Variants in RBM20 observed in about 807,000 individuals in gnomAD.
RBM20 encodes RNA-binding protein 20.
RBM20 carries 51 observed loss-of-function variants against 110.1 expected under a neutral mutation model. That is an observed-to-expected ratio of 0.46 (90% CI 0.37 to 0.59). The LOEUF (loss-of-function observed/expected upper bound fraction) is 0.59. Among genes scored for constraint, RBM20 ranks in the 20% least tolerant of loss-of-function variants. The probability of loss-of-function intolerance (pLI) is 0.00; values close to 1 mark genes in which losing one functional copy is unlikely to be tolerated. For synonymous variants in RBM20, 589 were observed against 618.2 expected, an observed-to-expected ratio of 0.95 and a Z score of 0.70; for missense variants, 1,512 against 1,574.9, an observed-to-expected ratio of 0.96 and a Z score of 0.68.
At chr10:110,747,083 T>G (rs1192643307) in intron 1 of RBM20, among the ~76,000 whole-genome samples, 1 of 152,160 alleles carries the variant, frequency 6.6e-6, no homozygotes, top group African/African-American at 2.4e-5. Context: ...TGTAATATAG[T>G]GATATAAGAT....
chr10:110,821,225 G>C (rs1174636862), intron 10 of RBM20, 50 bp from the exon 11 acceptor site: 2 of 1,489,824 alleles, frequency 1.3e-6, no homozygotes, highest in Admixed American at 4.0e-5. Flanking sequence ...GTGCCTTCCA[G>C]TTGAATGCTC....
intron 1 of RBM20, among the ~76,000 whole-genome samples, chr10:110,733,773 C>T (rs544961441): frequency 6.6e-6 from 1 of 152,334 alleles, no homozygotes; most frequent in Admixed American, 6.5e-5. Flanking sequence ...GCTCGCTCAG[C>T]TACTTTCACT....
At chr10:110,686,451 G>A (rs1862506304) in intron 1 of RBM20, among the ~76,000 whole-genome samples, 1 of 151,794 alleles carries the variant, frequency 6.6e-6, no homozygotes, top group Non-Finnish European at 1.5e-5. Flanking sequence ...AAAACTCTCT[G>A]ATTTTAATGT....
intron 1 of RBM20, among the ~76,000 whole-genome samples, chr10:110,747,249 C>A (rs896285111): frequency 6.7e-6 from 1 of 150,332 alleles, no homozygotes; most frequent in African/African-American, 2.5e-5. Context: ...GTATTTGCAT[C>A]ATCATTTGGG....
At chr10:110,785,966 G>C (rs1464483168) in intron 5 of RBM20, among the ~76,000 whole-genome samples, 1 of 152,190 alleles carries the variant, frequency 6.6e-6, no homozygotes, top group African/African-American at 2.4e-5. Flanking sequence ...TTGAGGAACT[G>C]GTTTGTGCTG....
chr10:110,747,293 T>C (rs114312152), intron 1 of RBM20, among the ~76,000 whole-genome samples: 2,828 of 134,460 alleles, frequency 0.021, 100 homozygotes, highest in African/African-American at 0.076. Flanking sequence ...AAAACTCTTT[T>C]TTTGGGGGGG....
chr10:110,691,128 A>G (rs2134876728), intron 1 of RBM20, among the ~76,000 whole-genome samples: 1 of 152,280 alleles, frequency 6.6e-6, no homozygotes, highest in South Asian at 2.1e-4. Flanking sequence ...CTTGCTCTCT[A>G]CCCATACCAT....
At chr10:110,816,470 C>G (rs1410693204) in intron 9 of RBM20, among the ~76,000 whole-genome samples, 2 of 151,872 alleles carry the variant, frequency 1.3e-5, no homozygotes. Context: ...CTCGTCACTG[C>G]AGACCATCTC....
chr10:110,709,137 G>A (rs962475532), intron 1 of RBM20, among the ~76,000 whole-genome samples: 2 of 152,194 alleles, frequency 1.3e-5, no homozygotes, highest in African/African-American at 2.4e-5. Context: ...CCAGGACAGA[G>A]CTATCCTGAT....
At chr10:110,734,381 C>G (rs538668689) in intron 1 of RBM20, among the ~76,000 whole-genome samples, 1 of 152,322 alleles carries the variant, frequency 6.6e-6, no homozygotes, top group South Asian at 2.1e-4. Context: ...AAGATTGGCT[C>G]TGGGCACTCA....
Position 110,662,294 on chromosome 10 carries a change from C to T in RBM20, c.191+17649C>T, listed in dbSNP as rs115147773. ...TTCACAAAGACCAAAACTAATCTAT[C>T]ATATTTTCAAACCGAATATTTAACA... On this transcript the variant is annotated intron_variant, in intron 1 of 13. Transcript: ENST00000369519. 7.2e-3 allele frequency among the ~76,000 whole-genome samples: 1,090 copies of T among 152,296 alleles called. 11 individuals are homozygous for T. Among genetic ancestry groups the T allele is most frequent in the African/African-American group, 0.024 (998 of 41,538 alleles).
intron 1 of RBM20, among the ~76,000 whole-genome samples, chr10:110,695,775 G>A (rs1382548494): frequency 6.6e-6 from 1 of 152,230 alleles, no homozygotes; most frequent in Non-Finnish European, 1.5e-5. Context: ...AGCAAATCTT[G>A]TGACAGGCAC....
At chr10:110,804,422 T>A (rs529725639) in intron 7 of RBM20, among the ~76,000 whole-genome samples, 20 of 152,232 alleles carry the variant, frequency 1.3e-4, no homozygotes, top group African/African-American at 4.8e-4. Flanking sequence ...TTTGCAGAGG[T>A]GGGGAGAAAT....
chr10:110,716,099 T>A (rs995547505), intron 1 of RBM20, among the ~76,000 whole-genome samples: 7 of 152,268 alleles, frequency 4.6e-5, no homozygotes, highest in African/African-American at 1.4e-4. Flanking sequence ...AAGTCAAGTA[T>A]GTATTGCCAA....
intron 1 of RBM20, among the ~76,000 whole-genome samples, chr10:110,675,791 T>A (rs1275265383): frequency 6.6e-6 from 1 of 152,238 alleles, no homozygotes; most frequent in Non-Finnish European, 1.5e-5. Flanking sequence ...CTCTGAGCCT[T>A]GATTTGCTCA....
intron 1 of RBM20, among the ~76,000 whole-genome samples, chr10:110,676,070 C>T (rs1862334452): frequency 6.6e-6 from 1 of 152,216 alleles, no homozygotes; most frequent in Admixed American, 6.5e-5. Context: ...ATTTCTTCTT[C>T]TGGAGCATCC....
chr10:110,645,438 G>A (rs1861855366), intron 1 of RBM20, among the ~76,000 whole-genome samples: 1 of 152,196 alleles, frequency 6.6e-6, no homozygotes, highest in African/African-American at 2.4e-5. Flanking sequence ...TCTCCTAAGG[G>A]TTTACCCAGT....
chr10:110,643,681 G>C (rs1490961000), upstream of RBM20, among the ~76,000 whole-genome samples: 3 of 152,228 alleles, frequency 2.0e-5, no homozygotes, highest in East Asian at 5.8e-4. Context: ...TGGCCCCACC[G>C]GCTGCTTCCG....
intron 1 of RBM20, among the ~76,000 whole-genome samples, chr10:110,744,105 C>G (rs889464305): frequency 6.6e-6 from 1 of 152,310 alleles, no homozygotes; most frequent in African/African-American, 2.4e-5. Context: ...CTTCCACTTG[C>G]TGGCTGTGTG....
Sources: allele counts gnomAD v4.1 joint callset (sites outside exome capture counted in the v4.1 genomes callset), GRCh38; gene constraint gnomAD v4.1.1; transcripts MANE v1.5; gene names NCBI Gene and HGNC (gene_info 2026-07-23, HGNC 2026-07-21).